C1D: variants seen among roughly 807,000 people sequenced by gnomAD.
C1D encodes the protein C1D nuclear receptor corepressor, also known as nuclear nucleic acid-binding protein C1D.
C1D carries 10 observed loss-of-function variants against 17.5 expected under a neutral mutation model. That is an observed-to-expected ratio of 0.57 (90% confidence interval 0.35 to 0.97). The LOEUF (loss-of-function observed/expected upper bound fraction) is 0.97, where lower values mean the gene tolerates loss of function less well. C1D is among the 50% of genes least tolerant of loss of function. The pLI is 0.01. For synonymous variants in C1D, 49 were observed against 54.0 expected, an observed-to-expected ratio of 0.91 and a Z score of 0.40; for missense variants, 136 against 160.1, an observed-to-expected ratio of 0.85 and a Z score of 0.81.
chr2:68,060,028 T>C (rs1215875463), intron 1 of C1D, among the ~76,000 whole-genome samples: 1 of 152,166 alleles, frequency 6.6e-6, no homozygotes, highest in Non-Finnish European at 1.5e-5. Flanking sequence ...GAACTCCGAA[T>C]CTTCCCACAA....
At position 68,042,838 on chromosome 2, in the gene C1D, G is replaced by GC. The variant is rs1553388026; in HGVS notation, c.*50_*51insG. 2.1e-5 allele frequency: 8 copies of GC among 377,416 alleles called. No homozygotes were observed. In the East Asian group the frequency reaches 3.5e-4, roughly 16 times the overall value. 23.4% of individuals were successfully genotyped at this position (377,416 alleles called of 1,614,324 possible). A position where few individuals can be genotyped will look rare whatever the true frequency, so the allele number is the denominator to read the frequency against. Reference sequence around the variant, plus strand: ...CACAGAATTATTTTGCGGGGGGGGGGGGGGGGGGGAAGATGTACTTTTTGA... The same window carrying GC: ...CACAGAATTATTTTGCGGGGGGGGGGCGGGGGGGGGAAGATGTACTTTTTGA... On this transcript the variant is annotated 3_prime_UTR_variant, in exon 5 of 5. Transcript: ENST00000410067.
intron 4 of C1D, among the ~76,000 whole-genome samples, chr2:68,044,326 C>T (rs377651902): frequency 4.1e-4 from 63 of 152,370 alleles, no homozygotes; most frequent in African/African-American, 1.4e-3. Context: ...ACTCAAATAT[C>T]TGTTGAATGA....
Position 68,042,999 on chromosome 2 carries a change from C to A in C1D, c.316G>T (p.Ala106Ser), listed in dbSNP as rs1671013527. 13 of 1,611,358 alleles carry A rather than the reference C, an allele frequency of 8.1e-6. No homozygotes were observed. Among genetic ancestry groups the A allele is most frequent in the East Asian group, 4.5e-5 (2 of 44,856 alleles). ...GCTGCACCTCTGTCCAGCTTGCCAG[C>A]CTTTTTCTTGTCTGTTATTTCCTTG... is the stretch of plus-strand genomic sequence containing the variant. ...RVKEITDKKK[A>S]GKLDRGAASR... is the part of the protein sequence containing the mutation. The change falls in exon 5 of 5, where the codon GCT becomes TCT. Residue 106 changes from alanine (A) to serine (S), a missense_variant. Coordinates refer to ENST00000410067, the MANE Select transcript of C1D (RefSeq NM_173177.3).
chr2:68,044,877 C>A lies in C1D; in HGVS notation c.261+1111G>T, dbSNP rs1380929698. On this transcript the variant is annotated intron_variant, in intron 4 of 4. Coordinates refer to ENST00000410067, the MANE Select transcript of C1D (RefSeq NM_173177.3). ...AGACAGTATCAAGTATTCCAAATAACTTCATGTTAATGGAAAAAAGAGAAA... is the reference window on the plus strand; with the variant it reads ...AGACAGTATCAAGTATTCCAAATAAATTCATGTTAATGGAAAAAAGAGAAA... Among the ~76,000 whole-genome samples the A allele has an allele frequency of 3.3e-5, 5 of 152,038 alleles. No individual in the cohort carries two copies. In the South Asian group the frequency reaches 1.0e-3, roughly 32 times the overall value.
At chr2:68,053,839 C>G (rs1266304723) in intron 1 of C1D, among the ~76,000 whole-genome samples, 1 of 152,174 alleles carries the variant, frequency 6.6e-6, no homozygotes, top group Non-Finnish European at 1.5e-5. Context: ...CCTGAAATGC[C>G]CTTCCAACTC....
At position 68,053,065 on chromosome 2, in the gene C1D, C is replaced by G. The variant is rs536849415; in HGVS notation, c.-9-5746G>C. 7 of 1,550,562 alleles carry G rather than the reference C, an allele frequency of 4.5e-6. No homozygotes were observed. The South Asian group carries it at 8.3e-5, about 18-fold the overall frequency. On this transcript the variant is annotated intron_variant, in intron 1 of 4. Transcript: ENST00000410067. ...CCAAAGAAGAAAAGAACTCACCCAG[C>G]TCTGCTCCTCACCCTCCTCCGGGGT...
intron 1 of C1D, among the ~76,000 whole-genome samples, chr2:68,047,550 T>C (rs919330454): frequency 3.3e-5 from 5 of 152,214 alleles, no homozygotes; most frequent in Non-Finnish European, 7.3e-5. Flanking sequence ...ACTAATGCTA[T>C]GCACACCAAA....
intron 1 of C1D, among the ~76,000 whole-genome samples, chr2:68,057,748 C>T (rs1002291967): frequency 2.0e-5 from 3 of 152,152 alleles, no homozygotes; most frequent in Non-Finnish European, 4.4e-5. Context: ...ATAAAAATGT[C>T]ATTTCCCCCT....
intron 1 of C1D, among the ~76,000 whole-genome samples, chr2:68,062,672 G>A (rs1025548907): frequency 1.3e-5 from 2 of 152,122 alleles, no homozygotes; most frequent in Non-Finnish European, 2.9e-5. Context: ...TTTGAGAAGG[G>A]GGTGGTTAAC....
At chr2:68,054,979 TAA>T (rs375742608) in intron 1 of C1D, among the ~76,000 whole-genome samples, 52 of 137,496 alleles carry the variant, frequency 3.8e-4, no homozygotes, top group East Asian at 3.7e-3. Flanking sequence ...CTTTTTTTTT[TAA>T]AAAAAAAAAA....
At chr2:68,059,821 C>A (rs1671566984) in intron 1 of C1D, among the ~76,000 whole-genome samples, 1 of 152,210 alleles carries the variant, frequency 6.6e-6, no homozygotes, top group Non-Finnish European at 1.5e-5. Context: ...TGCCCCTTCT[C>A]TTTTCTGTCT....
chr2:68,054,100 T>G (rs570757336), intron 1 of C1D, among the ~76,000 whole-genome samples: 39 of 152,352 alleles, frequency 2.6e-4, no homozygotes, highest in Middle Eastern at 6.8e-3. Context: ...ACAAGGTGAC[T>G]ATAACTCTCA....
intron 1 of C1D, among the ~76,000 whole-genome samples, chr2:68,048,666 GT>G (rs543427813): frequency 6.6e-6 from 1 of 152,014 alleles, no homozygotes; most frequent in Non-Finnish European, 1.5e-5. Context: ...GAGTTGTGAA[GT>G]TACTATCCAA....
At chr2:68,044,620 A>C (rs1399040924) in intron 4 of C1D, among the ~76,000 whole-genome samples, 1 of 152,172 alleles carries the variant, frequency 6.6e-6, no homozygotes, top group Non-Finnish European at 1.5e-5. Flanking sequence ...AGGCAGGAGA[A>C]TGGTGTGAAC....
chr2:68,051,365 A>G (rs1361993689), intron 1 of C1D, among the ~76,000 whole-genome samples: 1 of 151,936 alleles, frequency 6.6e-6, no homozygotes, highest in African/African-American at 2.4e-5. Context: ...TAATTAAAAT[A>G]CATATTTATA....
At chr2:68,051,584 T>C (rs1671283790) in intron 1 of C1D, among the ~76,000 whole-genome samples, 3 of 152,166 alleles carry the variant, frequency 2.0e-5, no homozygotes, top group Admixed American at 1.3e-4. Context: ...TGACTGCCCG[T>C]CACCTTCTGT....
At chr2:68,057,277 A>G (rs746250480) in intron 1 of C1D, among the ~76,000 whole-genome samples, 5 of 150,402 alleles carry the variant, frequency 3.3e-5, no homozygotes, top group Admixed American at 1.3e-4. Context: ...TCAGCCTCCC[A>G]AGTAGCTGGG....
At chr2:68,054,597 T>C (rs191211607) in intron 1 of C1D, among the ~76,000 whole-genome samples, 1 of 152,164 alleles carries the variant, frequency 6.6e-6, no homozygotes, top group Non-Finnish European at 1.5e-5. Flanking sequence ...CAAAATACTT[T>C]CACAGCAACA....
At chr2:68,043,720 GAAGA>G (rs1357575148) in intron 4 of C1D, among the ~76,000 whole-genome samples, 2 of 152,134 alleles carry the variant, frequency 1.3e-5, no homozygotes, top group Non-Finnish European at 2.9e-5. Flanking sequence ...CGCTTCAAAT[GAAGA>G]AATAAAGTTG....
Sources: gnomAD v4.1 joint callset for allele counts (sites outside exome capture counted in the v4.1 genomes callset) on GRCh38, gnomAD v4.1.1 for gene constraint, MANE v1.5 for transcripts, NCBI Gene and HGNC (gene_info 2026-07-23, HGNC 2026-07-21) for gene names.